SCP2: variants seen among roughly 807,000 people sequenced by gnomAD.
The protein encoded by SCP2 is SCP-2/3-oxoacyl-CoA thiolase.
Under a neutral mutation model 71.4 loss-of-function variants are expected in SCP2, and 48 were observed. The ratio of observed to expected loss-of-function variants is 0.67; its 90% confidence interval spans 0.53 to 0.86. The LOEUF (loss-of-function observed/expected upper bound fraction) is 0.86, where lower values mean the gene tolerates loss of function less well. SCP2 is among the 40% of genes least tolerant of loss of function. The pLI, the probability that SCP2 is intolerant of heterozygous loss-of-function variation, is 0.00. For missense variants in SCP2, 560 were observed against 655.6 expected, an observed-to-expected ratio of 0.85 and a Z score of 1.59; for synonymous variants, 220 against 218.1, an observed-to-expected ratio of 1.01 and a Z score of -0.08.
At chr1:52,941,918 G>A (rs1654287479) in intron 2 of SCP2, 65 bp downstream of exon 2, 2 of 1,200,270 alleles carry the variant, frequency 1.7e-6, no homozygotes, top group African/African-American at 1.5e-5. Flanking sequence ...TTGATTTCAT[G>A]GATGGGGCAG....
At position 52,980,458 on chromosome 1, in the gene SCP2, A is replaced by T; in HGVS notation, c.888A>T (p.Pro296=). 1 of 1,614,104 alleles carries T rather than the reference A, an allele frequency of 6.2e-7. No homozygotes were observed. The highest frequency in any genetic ancestry group is 8.5e-7 in the Non-Finnish European group (1 of 1,179,958). The change falls in exon 10 of 16, where the codon CCA becomes CCT. Residue 296 remains proline (P), a synonymous_variant. Transcript: ENST00000371514. The part of the protein sequence containing the change: ...RKCYEKSGLT[P]NDIDVIELHD... ...GCTATGAGAAATCTGGCCTGACACC[A>T]AATGATATTGACGTAATAGAACTTC... is the stretch of plus-strand genomic sequence containing the variant.
At chr1:53,006,477 A>G (rs933774991) in intron 11 of SCP2, among the ~76,000 whole-genome samples, 3 of 152,194 alleles carry the variant, frequency 2.0e-5, no homozygotes, top group Admixed American at 6.5e-5. Context: ...CCAATATTCA[A>G]CATTCTTAAA....
At chr1:52,929,975 G>A (rs1446165954) in intron 1 of SCP2, among the ~76,000 whole-genome samples, 1 of 152,138 alleles carries the variant, frequency 6.6e-6, no homozygotes, top group African/African-American at 2.4e-5. Context: ...CTGACAGCAA[G>A]CCTCTTCACT....
intron 13 of SCP2, among the ~76,000 whole-genome samples, chr1:53,034,489 T>G (rs1035651547): frequency 1.3e-5 from 2 of 152,128 alleles, no homozygotes; most frequent in Admixed American, 6.5e-5. Flanking sequence ...GGGTATGAGT[T>G]TCTTTTGGGG....
chr1:53,037,904 A>ACACACACACACACCCC lies in SCP2; in HGVS notation c.1339-1000_1339-999insCCCCACACACACACAC, dbSNP rs1553155261. Reference sequence around the variant, plus strand: ...TACACACACACACACACACACACACACACACACACACACACACACACACAC... The same window carrying ACACACACACACACCCC: ...TACACACACACACACACACACACACACACACACACACACCCCCACACACACACACACACACACACAC... On this transcript the variant is annotated intron_variant, in intron 13 of 15. Coordinates refer to ENST00000371514, the MANE Select transcript of SCP2 (RefSeq NM_002979.5). Among the ~76,000 whole-genome samples the ACACACACACACACCCC allele has an allele frequency of 8.1e-3, 1,032 of 127,380 alleles. 20 individuals carry two copies. Among genetic ancestry groups the ACACACACACACACCCC allele is most frequent in the African/African-American group, 0.032 (970 of 30,262 alleles). The allele number at this position is 127,380 out of a possible 152,430, so 83.6% of individuals were successfully genotyped here.
intron 9 of SCP2, among the ~76,000 whole-genome samples, chr1:52,978,749 GAC>G (rs2150170770): frequency 6.6e-6 from 1 of 152,104 alleles, no homozygotes; most frequent in Non-Finnish European, 1.5e-5. Context: ...TTTTTGTAGA[GAC>G]ACAGTTTTGC....
chr1:52,995,480 A>G (rs1557595861), intron 11 of SCP2: 3 of 432,372 alleles, frequency 6.9e-6, no homozygotes, highest in Non-Finnish European at 9.3e-6. Flanking sequence ...TTGGCAGTCA[A>G]ACTGGTGCCC....
intron 12 of SCP2, among the ~76,000 whole-genome samples, chr1:53,020,949 G>A (rs543037912): frequency 1.7e-4 from 26 of 152,278 alleles, no homozygotes; most frequent in African/African-American, 6.3e-4. Flanking sequence ...TCGTTTTAGG[G>A]ATGAAGGTTT....
chr1:52,996,385 C>T (rs1246159661), intron 11 of SCP2, among the ~76,000 whole-genome samples: 1 of 152,152 alleles, frequency 6.6e-6, no homozygotes, highest in African/African-American at 2.4e-5. Context: ...ATAATGGCCA[C>T]CATCCTAAGC....
intron 5 of SCP2, among the ~76,000 whole-genome samples, chr1:52,961,120 C>T (rs559494348): frequency 3.2e-4 from 45 of 142,218 alleles, no homozygotes; most frequent in African/African-American, 1.2e-3. Flanking sequence ...GGTACATGTG[C>T]ACAACGTGCA....
intron 9 of SCP2, among the ~76,000 whole-genome samples, chr1:52,979,701 A>T (rs1469127512): frequency 6.6e-6 from 1 of 152,150 alleles, no homozygotes; most frequent in Non-Finnish European, 1.5e-5. Context: ...ACAACTATAC[A>T]TTGTAGTTTG....
In SCP2 at chr1:52,980,485, C is replaced by T. The variant is rs770730370; in HGVS notation, c.915C>T (p.His305=). 1.2e-5 allele frequency: 20 copies of T among 1,613,734 alleles called. No individual in the cohort carries two copies. Among genetic ancestry groups the T allele is most frequent in the South Asian group, 4.4e-5 (4 of 91,082 alleles). The part of the protein sequence containing the change: ...TPNDIDVIEL[H]DCFSTNELLT... ...ATGATATTGACGTAATAGAACTTCA[C>T]GATTGCTTTTCTACCAACGAACTCC... Residue 305 remains histidine (H), a synonymous_variant, in exon 10 of 16, where the codon CAC becomes CAT. Transcript: ENST00000371514.
intron 2 of SCP2, among the ~76,000 whole-genome samples, chr1:52,944,183 A>G (rs551829536): frequency 6.6e-6 from 1 of 152,154 alleles, no homozygotes; most frequent in Non-Finnish European, 1.5e-5. Flanking sequence ...AGCCTCCCCA[A>G]CTCAATTCCT....
intron 1 of SCP2, 66 bp downstream of exon 1, chr1:52,927,531 G>C: frequency 8.3e-7 from 1 of 1,206,282 alleles, no homozygotes; most frequent in Admixed American, 2.0e-5. Context: ...GGGTTTCTCT[G>C]TCCCTCCGGT....
chr1:52,957,197 T>TGCCCCTC (rs1557558850), intron 5 of SCP2, among the ~76,000 whole-genome samples: 1 of 151,688 alleles, frequency 6.6e-6, no homozygotes, highest in African/African-American at 2.4e-5. Context: ...CGTGAGCCAC[T>TGCCCCTC]GCCCCTGGCC....
At position 52,949,580 on chromosome 1, in the gene SCP2, A is replaced by G. The variant is rs1197468554; in HGVS notation, c.200-1175A>G. On this transcript the variant is annotated intron_variant, in intron 3 of 15. Transcript: ENST00000371514. ...GTCCAGTTCCATTGGCTGGAACGGG[A>G]CCTCACATTCTGTATTTGTCCTGAT... Among the ~76,000 whole-genome samples, 3 of 152,024 alleles carry G rather than the reference A, an allele frequency of 2.0e-5. No homozygotes were observed. In the East Asian group the frequency reaches 5.8e-4, roughly 29 times the overall value.
Position 53,002,877 on chromosome 1 carries a change from C to A in SCP2, c.1082-12013C>A, listed in dbSNP as rs112365074. 3.5e-3 allele frequency among the ~76,000 whole-genome samples: 539 copies of A among 152,278 alleles called. 7 individuals are homozygous for A. The highest frequency in any genetic ancestry group is 0.012 in the African/African-American group (514 of 41,548). On this transcript the variant is annotated intron_variant, in intron 11 of 15. Coordinates refer to ENST00000371514, the MANE Select transcript of SCP2 (RefSeq NM_002979.5). ...TTTCAAATCAAACCATGGCTTATCT[C>A]GTCTACTCTGTAAGAGGTTGCCAAA... is the stretch of plus-strand genomic sequence containing the variant.
chr1:53,018,412 A>G (rs547223943), intron 12 of SCP2, among the ~76,000 whole-genome samples: 2 of 152,326 alleles, frequency 1.3e-5, no homozygotes, highest in East Asian at 3.9e-4. Context: ...AAACAATGAT[A>G]TTCTTTTGCT....
Position 52,934,009 on chromosome 1 carries a change from C to T in SCP2, c.69+6544C>T, listed in dbSNP as rs113448996. On this transcript the variant is annotated intron_variant, in intron 1 of 15. Transcript: ENST00000371514. ...AAGCACTAATTTTCACTTAAGACCTCGATGAAGCAGAAAACATTGGTTAAT... is the reference window on the plus strand; with the variant it reads ...AAGCACTAATTTTCACTTAAGACCTTGATGAAGCAGAAAACATTGGTTAAT... 2.4e-3 allele frequency among the ~76,000 whole-genome samples: 361 copies of T among 152,252 alleles called. 2 individuals carry two copies. Among genetic ancestry groups the T allele is most frequent in the African/African-American group, 8.5e-3 (352 of 41,538 alleles).
Sources: allele counts gnomAD v4.1 joint callset (sites outside exome capture counted in the v4.1 genomes callset), GRCh38; gene constraint gnomAD v4.1.1; transcripts MANE v1.5; gene names NCBI Gene and HGNC (gene_info 2026-07-23, HGNC 2026-07-21).